The following GRIN3A variants were observed in gnomAD, a reference collection of about 807,000 sequenced individuals.
The protein encoded by GRIN3A is glutamate ionotropic receptor NMDA type subunit 3A.
A neutral mutation model predicts 92.4 loss-of-function variants in GRIN3A; 47 were observed. The ratio of observed to expected loss-of-function variants is 0.51; its 90% CI spans 0.40 to 0.65. The LOEUF (loss-of-function observed/expected upper bound fraction) is 0.65, where lower values mean the gene tolerates loss of function less well. Ranked by LOEUF, GRIN3A falls within the 30% of genes least tolerant of loss-of-function variation. The probability of loss-of-function intolerance (pLI) is 0.00; values close to 1 mark genes in which losing one functional copy is unlikely to be tolerated. For missense variants in GRIN3A, 1,324 were observed against 1,393.1 expected (o/e 0.95, Z 0.79); for synonymous variants, 527 against 540.6 (o/e 0.97, Z 0.35).
chr9:101,676,146 T>C (rs1829391647), intron 2 of GRIN3A, among the ~76,000 whole-genome samples: 1 of 152,004 alleles, frequency 6.6e-6, no homozygotes, highest in Non-Finnish European at 1.5e-5. Context: ...ATTATCACTT[T>C]TGTGTTGTTT....
At chr9:101,735,344 G>A (rs1196079049) in intron 1 of GRIN3A, among the ~76,000 whole-genome samples, 1 of 151,846 alleles carries the variant, frequency 6.6e-6, no homozygotes. Context: ...AGAAACAAAT[G>A]TGCTTGACAG....
Position 101,687,025 on chromosome 9 carries a change from C to T in GRIN3A, c.875G>A (p.Gly292Asp), listed in dbSNP as rs1829547829. Residue 292 changes from glycine (G) to aspartate (D), a missense_variant, in exon 2 of 9, where the codon GGT (glycine) becomes GAT (aspartate). By Grantham distance (94) the Gly-to-Asp change is moderately conservative. Coordinates refer to ENST00000361820, the MANE Select transcript of GRIN3A (RefSeq NM_133445.3). ...GTTAGCGGTGATGTTGATGATAGAA[C>T]CAAGGTGGAACTTGGAATTATTCTG... is the stretch of plus-strand genomic sequence containing the variant. ...LTQNNSKFHL[G>D]SIINITANLP... 8.7e-6 allele frequency: 14 copies of T among 1,613,938 alleles called. No individual in the cohort carries two copies. The highest frequency in any genetic ancestry group is 1.1e-5 in the Non-Finnish European group (13 of 1,180,000).
At chr9:101,684,451 T>G (rs1355955180) in intron 2 of GRIN3A, among the ~76,000 whole-genome samples, 1 of 151,986 alleles carries the variant, frequency 6.6e-6, no homozygotes, top group Admixed American at 6.6e-5. Context: ...GTGCCTACTA[T>G]AGGCTAGGCA....
chr9:101,647,647 T>G (rs1828956317), intron 3 of GRIN3A, among the ~76,000 whole-genome samples: 1 of 152,012 alleles, frequency 6.6e-6, no homozygotes, highest in African/African-American at 2.4e-5. Flanking sequence ...GATGGGAGAC[T>G]TTTTGTTACT....
chr9:101,588,071 G>A (rs1281136655), intron 6 of GRIN3A, among the ~76,000 whole-genome samples: 2 of 152,270 alleles, frequency 1.3e-5, no homozygotes, highest in Admixed American at 6.5e-5. Flanking sequence ...TGAAATGTGG[G>A]CTCCAGATGT....
intron 3 of GRIN3A, among the ~76,000 whole-genome samples, chr9:101,663,146 C>T (rs1162430055): frequency 6.6e-6 from 1 of 151,880 alleles, no homozygotes; most frequent in African/African-American, 2.4e-5. Flanking sequence ...CCCTAAAATG[C>T]TCTTCTCTAA....
intron 1 of GRIN3A, among the ~76,000 whole-genome samples, chr9:101,717,519 T>C (rs1200918818): frequency 6.6e-6 from 1 of 152,114 alleles, no homozygotes; most frequent in African/African-American, 2.4e-5. Flanking sequence ...GAGCAGTGAG[T>C]AAAACAGGAA....
chr9:101,702,848 C>T (rs1175268225), intron 1 of GRIN3A, among the ~76,000 whole-genome samples: 6 of 152,220 alleles, frequency 3.9e-5, no homozygotes, highest in African/African-American at 1.4e-4. Context: ...CCATCACTCA[C>T]ACCAACTGCT....
In GRIN3A at chr9:101,573,273, C is replaced by G. The variant is rs1827783942; in HGVS notation, c.3249G>C (p.Glu1083Asp). The G allele has an allele frequency of 6.2e-7, 1 of 1,614,084 alleles. No homozygotes were observed. Among genetic ancestry groups the G allele is most frequent in the Non-Finnish European group, 8.5e-7 (1 of 1,179,988 alleles). Reference protein sequence around the residue: ...NSVMQELSELEKQIQVIRQEL... With the variant: ...NSVMQELSELDKQIQVIRQEL... ...CCTGACGGATCACCTGAATCTGCTT[C>G]TCGAGCTCTGAGAGTTCCTGCATCA... The change falls in exon 9 of 9, where the codon GAG (glutamate) becomes GAC (aspartate). Residue 1083 changes from glutamate (E) to aspartate (D), a missense_variant. Transcript: ENST00000361820.
chr9:101,697,815 A>G (rs1829702346), intron 1 of GRIN3A, among the ~76,000 whole-genome samples: 2 of 152,182 alleles, frequency 1.3e-5, no homozygotes, highest in South Asian at 2.1e-4. Context: ...TTTCTATTAT[A>G]AAGGTTAATA....
At chr9:101,602,701 CT>C (rs1490304410) in intron 6 of GRIN3A, among the ~76,000 whole-genome samples, 20 of 152,222 alleles carry the variant, frequency 1.3e-4, no homozygotes, top group African/African-American at 4.8e-4. Flanking sequence ...AGCGGGGACT[CT>C]TATTCCGAGA....
chr9:101,577,335 T>C (rs1352153175), intron 8 of GRIN3A, among the ~76,000 whole-genome samples: 1 of 144,518 alleles, frequency 6.9e-6, no homozygotes, highest in East Asian at 1.9e-4. Flanking sequence ...ATGTATTTTG[T>C]ACATAATAAT....
At chr9:101,653,309 C>A (rs1829037178) in intron 3 of GRIN3A, among the ~76,000 whole-genome samples, 1 of 148,166 alleles carries the variant, frequency 6.7e-6, no homozygotes, top group Non-Finnish European at 1.5e-5. Flanking sequence ...GTAATGCTTA[C>A]TTAGCACAGA....
intron 6 of GRIN3A, among the ~76,000 whole-genome samples, chr9:101,610,519 T>A (rs1828347552): frequency 6.6e-6 from 1 of 152,190 alleles, no homozygotes; most frequent in African/African-American, 2.4e-5. Context: ...TTGTCATGGC[T>A]TCCAGGATAA....
rs1470175822 is a variant in GRIN3A, at chr9:101,738,190, C to T, written c.-211G>A. 16 of 622,720 alleles carry T rather than the reference C, an allele frequency of 2.6e-5. No individual in the cohort carries two copies. The highest frequency in any genetic ancestry group is 1.4e-4 in the Admixed American group (6 of 42,688). 38.6% of individuals were successfully genotyped at this position (622,720 alleles called of 1,614,324 possible). On this transcript the variant is annotated 5_prime_UTR_variant, in exon 1 of 9. Coordinates refer to ENST00000361820, the MANE Select transcript of GRIN3A (RefSeq NM_133445.3). Reference sequence around the variant, plus strand: ...AGATCCCGCTCCCAGGTCCCTCCGCCTGGCATCCTCTGCCCGCCCGGTCAC... The same window carrying T: ...AGATCCCGCTCCCAGGTCCCTCCGCTTGGCATCCTCTGCCCGCCCGGTCAC...
intron 2 of GRIN3A, among the ~76,000 whole-genome samples, chr9:101,681,613 C>G (rs1451245150): frequency 6.6e-6 from 1 of 152,152 alleles, no homozygotes; most frequent in Admixed American, 6.5e-5. Context: ...TTACAGGATC[C>G]AAGTCCAGTG....
intron 6 of GRIN3A, among the ~76,000 whole-genome samples, chr9:101,611,826 T>C (rs1226064629): frequency 6.6e-6 from 1 of 152,162 alleles, no homozygotes; most frequent in Non-Finnish European, 1.5e-5. Context: ...AAGGGAGATA[T>C]GATTCATATT....
At chr9:101,610,625 CA>C in intron 6 of GRIN3A, among the ~76,000 whole-genome samples, 1 of 141,506 alleles carries the variant, frequency 7.1e-6, no homozygotes, top group Non-Finnish European at 1.6e-5. Context: ...ATCTATCTAT[CA>C]TCTATCTATC....
At chr9:101,711,302 C>T (rs1829874325) in intron 1 of GRIN3A, among the ~76,000 whole-genome samples, 1 of 152,186 alleles carries the variant, frequency 6.6e-6, no homozygotes, top group African/African-American at 2.4e-5. Flanking sequence ...GTAGTGCATA[C>T]AGCCCGGATT....
Sources: allele counts gnomAD v4.1 joint callset (sites outside exome capture counted in the v4.1 genomes callset), GRCh38; gene constraint gnomAD v4.1.1; transcripts MANE v1.5; gene names NCBI Gene and HGNC (gene_info 2026-07-23, HGNC 2026-07-21).